FAM131B: variants seen among roughly 807,000 people sequenced by gnomAD.
FAM131B encodes protein FAM131B.
FAM131B carries 19 observed loss-of-function variants against 42.0 expected under a neutral mutation model. The observed-to-expected ratio is 0.45, with a 90% CI of 0.32 to 0.66. FAM131B has a LOEUF of 0.66. Ranked by LOEUF, FAM131B falls within the 30% of genes least tolerant of loss-of-function variation. The probability of loss-of-function intolerance (pLI) is 0.05; values close to 1 mark genes in which losing one functional copy is unlikely to be tolerated. For synonymous variants in FAM131B, 183 were observed against 177.6 expected (o/e 1.03, Z -0.24); for missense variants, 370 against 468.4 (o/e 0.79, Z 1.94).
the FAM131B span, chr7:143,380,900 G>T: frequency 1.7e-6 from 1 of 585,758 alleles, no homozygotes; most frequent in Non-Finnish European, 2.2e-6. The surrounding 1 kb of genome is among the most constrained non-coding windows in gnomAD (Gnocchi z 5.0). Context: ...AGAGGAGGTC[G>T]CTGGGCCGGG....
Position 143,359,747 on chromosome 7 carries a change from G to A in FAM131B, c.159C>T (p.Ser53=), listed in dbSNP as rs1177304046. The change falls in exon 3 of 7, where the codon TCC becomes TCT. Residue 53 remains serine (S), a synonymous_variant. Transcript: ENST00000443739. The surrounding 1 kb of genome is among the most constrained non-coding windows in gnomAD (Gnocchi z 5.4). Reference sequence around the variant, plus strand: ...CTGCACTCACGTTGATGCCGTCCCAGGAGAAATCAGTTCGAGTTTGCTGTG... The same window carrying A: ...CTGCACTCACGTTGATGCCGTCCCAAGAGAAATCAGTTCGAGTTTGCTGTG... ...PSTEQTRTDF[S]WDGINLSMED... is the part of the protein sequence containing the mutation. The A allele has an allele frequency of 1.9e-6, 3 of 1,571,398 alleles. No homozygotes were observed. The highest frequency in any genetic ancestry group is 2.6e-6 in the Non-Finnish European group (3 of 1,157,602).
the FAM131B span, chr7:143,381,512 T>C: frequency 3.2e-6 from 5 of 1,551,256 alleles, no homozygotes; most frequent in African/African-American, 6.9e-5. Context: ...CGCCTGGGGC[T>C]CCTGAGCCCG....
chr7:143,379,995 C>T, the FAM131B span: 2 of 921,246 alleles, frequency 2.2e-6, no homozygotes, highest in Non-Finnish European at 2.6e-6. Flanking sequence ...GGGGTTAGTC[C>T]TCGGATGATC....
At position 143,362,084 on chromosome 7, in the gene FAM131B, G is replaced by T. The variant is rs1804027883; in HGVS notation, c.28+492C>A. The stretch of plus-strand genomic sequence containing the variant: ...CAACGGAGAGGGAGAGAGAGATGGG[G>T]CAAAGCACCCGAGCCAGATGGAGGC... On this transcript the variant is annotated intron_variant, in intron 1 of 6. Coordinates refer to ENST00000443739, the MANE Select transcript of FAM131B (RefSeq NM_001031690.3). The surrounding 1 kb of genome is among the most constrained non-coding windows in gnomAD (Gnocchi z 7.7). The T allele has an allele frequency of 4.1e-6, 4 of 983,624 alleles. No homozygotes were observed. Among genetic ancestry groups the T allele is most frequent in the Non-Finnish European group, 3.6e-6 (3 of 828,022 alleles). The allele number at this position is 983,624 out of a possible 1,614,324, so 60.9% of individuals were successfully genotyped here.
At chr7:143,367,948 T>C in the FAM131B span, among the ~76,000 whole-genome samples, 1 of 152,158 alleles carries the variant, frequency 6.6e-6, no homozygotes, top group Non-Finnish European at 1.5e-5. Context: ...TGTGTTTTCT[T>C]TGGGAAGCAC....
the FAM131B span, among the ~76,000 whole-genome samples, chr7:143,377,516 ACAAGGATGGAAG>A: frequency 6.6e-6 from 1 of 152,112 alleles, no homozygotes; most frequent in Non-Finnish European, 1.5e-5. Flanking sequence ...GTGATGGAAT[ACAAGGATGGAAG>A]CAAGGATGGG....
At chr7:143,375,054 T>G in the FAM131B span, among the ~76,000 whole-genome samples, 1 of 152,230 alleles carries the variant, frequency 6.6e-6, no homozygotes, top group Admixed American at 6.5e-5. Context: ...TGCTCATTAT[T>G]ATGTCCCCAG....
At chr7:143,357,243 A>G (rs1563095297) in intron 6 of FAM131B, 37 bp downstream of exon 6, 1 of 1,608,260 alleles carries the variant, frequency 6.2e-7, no homozygotes, top group Non-Finnish European at 8.5e-7. Context: ...GGGAGGCCTC[A>G]TAGGCTCCAG....
chr7:143,381,511 C>CT, the FAM131B span: 3 of 1,547,136 alleles, frequency 1.9e-6, no homozygotes. Flanking sequence ...CCGCCTGGGG[C>CT]TCCTGAGCCC....
At chr7:143,375,405 C>CT in the FAM131B span, among the ~76,000 whole-genome samples, 1 of 152,216 alleles carries the variant, frequency 6.6e-6, no homozygotes, top group Non-Finnish European at 1.5e-5. Flanking sequence ...TGTTGAGAGT[C>CT]TGAGTCTGCT....
At chr7:143,363,175 C>T (rs2116491961), upstream of FAM131B, among the ~76,000 whole-genome samples, 1 of 152,340 alleles carries the variant, frequency 6.6e-6, no homozygotes, top group East Asian at 1.9e-4. Context: ...GGGGCCGCAT[C>T]TGGGACACAC....
chr7:143,367,792 A>G, the FAM131B span, among the ~76,000 whole-genome samples: 1 of 152,312 alleles, frequency 6.6e-6, no homozygotes, highest in African/African-American at 2.4e-5. Context: ...GCACACCTCC[A>G]TGAGCCAAAG....
the FAM131B span, chr7:143,381,713 C>T: frequency 1.2e-6 from 2 of 1,602,950 alleles, no homozygotes; most frequent in South Asian, 1.1e-5. Context: ...CGAGCCTCCC[C>T]CGGCACCCGG....
rs2116486624 is a variant in FAM131B at position 143,362,422 on chromosome 7, G to A, written c.28+154C>T. 6.6e-6 allele frequency among the ~76,000 whole-genome samples: 1 copy of A among 152,178 alleles called. No homozygotes were observed. The highest frequency in any genetic ancestry group is 2.0e-4 in the East Asian group (1 of 5,128). On this transcript the variant is annotated intron_variant, in intron 1 of 6. Coordinates refer to ENST00000443739, the MANE Select transcript of FAM131B (RefSeq NM_001031690.3). The surrounding 1 kb of genome is among the most constrained non-coding windows in gnomAD (Gnocchi z 7.7). ...AGAGCGGGCAGGAAGGAGGGACAGA[G>A]GGACCGCGGGCGGACGGAAGGAAAG...
chr7:143,367,756 C>T (rs1439810104), upstream of FAM131B, among the ~76,000 whole-genome samples: 1 of 152,142 alleles, frequency 6.6e-6, no homozygotes, highest in Non-Finnish European at 1.5e-5. Context: ...GTGGCAGGCA[C>T]ATTCTCCTTA....
At position 143,360,103 on chromosome 7, in the gene FAM131B, A is replaced by C; in HGVS notation, c.75T>G (p.Asp25Glu). The C allele has an allele frequency of 6.2e-7, 1 of 1,613,908 alleles. No homozygotes were observed. The highest frequency in any genetic ancestry group is 8.5e-7 in the Non-Finnish European group (1 of 1,179,964). ...AGCTGGTGCTGTCCATGTTGATTTGATCGACATCCTTCAGGCCCTTCCAAT... is the reference window on the plus strand; with the variant it reads ...AGCTGGTGCTGTCCATGTTGATTTGCTCGACATCCTTCAGGCCCTTCCAAT... ...AVDWKGLKDVDQINMDSTSSL... is the reference protein window; with the variant it reads ...AVDWKGLKDVEQINMDSTSSL... The change falls in exon 2 of 7, where the codon GAT becomes GAG. Residue 25 changes from aspartate to glutamate, a missense_variant. By Grantham distance (45) the Asp-to-Glu change is conservative. Transcript: ENST00000443739.
chr7:143,357,089 A>T lies in FAM131B; in HGVS notation c.611-67T>A, dbSNP rs1298199677. ...CAAGGGCAGGAATGACAGCACAGAC[A>T]GCACAAGAGACAGCTAAGAGACAGC... On this transcript the variant is annotated intron_variant, in intron 6 of 6. Coordinates refer to ENST00000443739, the MANE Select transcript of FAM131B (RefSeq NM_001031690.3). 4.8e-6 allele frequency: 6 copies of T among 1,257,312 alleles called. No homozygotes were observed. The African/African-American group carries it at 7.4e-5, about 15-fold the overall frequency. The allele number at this position is 1,257,312 out of a possible 1,614,324, so 77.9% of individuals were successfully genotyped here.
chr7:143,362,102 A>T lies in FAM131B; in HGVS notation c.28+474T>A. The T allele has an allele frequency of 1.1e-6, 1 of 950,482 alleles. No individual in the cohort carries two copies. The highest frequency in any genetic ancestry group is 1.3e-6 in the Non-Finnish European group (1 of 797,562). 58.9% of individuals were successfully genotyped at this position (950,482 alleles called of 1,614,324 possible). A position where few individuals can be genotyped will look rare whatever the true frequency, so the allele number is the denominator to read the frequency against. On this transcript the variant is annotated intron_variant, in intron 1 of 6. Coordinates refer to ENST00000443739, the MANE Select transcript of FAM131B (RefSeq NM_001031690.3). The surrounding 1 kb of genome is among the most constrained non-coding windows in gnomAD (Gnocchi z 7.7). The stretch of plus-strand genomic sequence containing the variant: ...AGATGGGGCAAAGCACCCGAGCCAG[A>T]TGGAGGCGGCGGCGGGGGGTGGCGT...
intron 6 of FAM131B, 93 bp downstream of exon 6, chr7:143,357,187 G>C: frequency 1.5e-6 from 2 of 1,368,568 alleles, no homozygotes; most frequent in Non-Finnish European, 2.1e-6. Context: ...GATGGACAAG[G>C]AAGTCTTAAA....
Sources: gnomAD v4.1 joint callset for allele counts (sites outside exome capture counted in the v4.1 genomes callset) on GRCh38, gnomAD v4.1.1 for gene constraint, Gnocchi (gnomAD v3.1) non-coding constraint, MANE v1.5 for transcripts, NCBI Gene and HGNC (gene_info 2026-07-23, HGNC 2026-07-21) for gene names.